RAPGEF1: variants seen among roughly 807,000 people sequenced by gnomAD.
RAPGEF1 encodes the protein CRK SH3-binding GNRP.
In RAPGEF1, 33 loss-of-function variants were observed where a neutral mutation model predicts 143.3. The ratio of observed to expected loss-of-function variants is 0.23; its 90% CI spans 0.17 to 0.31. The LOEUF (loss-of-function observed/expected upper bound fraction) is 0.31, where lower values mean the gene tolerates loss of function less well. Among genes scored for constraint, RAPGEF1 ranks in the 10% least tolerant of loss-of-function variants. RAPGEF1 has a pLI of 1.00. For missense variants in RAPGEF1, 1,199 were observed against 1,645.4 expected (o/e 0.73, Z 4.69); for synonymous variants, 629 against 676.5 (o/e 0.93, Z 1.09).
Position 131,689,474 on chromosome 9 carries a change from T to C in RAPGEF1, c.62-38525A>G, listed in dbSNP as rs549043905. ...TAAGCATGACTAAATTAGGTGAATGTAAAGGGGATAAAGGTTTATAGACGG... is the reference window on the plus strand; with the variant it reads ...TAAGCATGACTAAATTAGGTGAATGCAAAGGGGATAAAGGTTTATAGACGG... On this transcript the variant is annotated intron_variant, in intron 1 of 26. Transcript: ENST00000683357. 2.0e-5 allele frequency among the ~76,000 whole-genome samples: 3 copies of C among 152,274 alleles called. No individual in the cohort carries two copies. The South Asian group carries it at 6.2e-4, about 32-fold the overall frequency.
chr9:131,598,600 T>C (rs768648745), intron 15 of RAPGEF1: 1 of 536,540 alleles, frequency 1.9e-6, no homozygotes, highest in Non-Finnish European at 3.6e-6. Context: ...AGCCACTCCC[T>C]GCCAAGGCCC....
At chr9:131,706,533 G>C (rs1225234359) in intron 1 of RAPGEF1, among the ~76,000 whole-genome samples, 1 of 152,174 alleles carries the variant, frequency 6.6e-6, no homozygotes, top group Non-Finnish European at 1.5e-5. Context: ...GCCTCCCAAA[G>C]TGCTGGGATT....
intron 1 of RAPGEF1, among the ~76,000 whole-genome samples, chr9:131,730,673 C>A (rs1172152873): frequency 2.7e-5 from 3 of 112,676 alleles, no homozygotes. Context: ...CCAGCCTGGG[C>A]AACAGCAGAG....
At chr9:131,702,282 T>C (rs1377570314) in intron 1 of RAPGEF1, among the ~76,000 whole-genome samples, 1 of 152,162 alleles carries the variant, frequency 6.6e-6, no homozygotes, top group Non-Finnish European at 1.5e-5. Flanking sequence ...TAATCATTGC[T>C]CTCTGGAAGG....
intron 1 of RAPGEF1, among the ~76,000 whole-genome samples, chr9:131,715,183 A>G (rs146914163): frequency 6.6e-6 from 1 of 152,326 alleles, no homozygotes; most frequent in East Asian, 1.9e-4. Flanking sequence ...TCAGAGATTT[A>G]CTCAACAAAT....
chr9:131,629,283 C>A, intron 6 of RAPGEF1, 29 bp from the exon 7 acceptor site: 2 of 1,605,790 alleles, frequency 1.2e-6, no homozygotes, highest in Non-Finnish European at 1.7e-6. Context: ...CTTGGGGTTA[C>A]AGAAGGTCAA....
intron 1 of RAPGEF1, among the ~76,000 whole-genome samples, chr9:131,713,839 G>T (rs193068795): frequency 1.3e-5 from 2 of 152,132 alleles, no homozygotes; most frequent in Admixed American, 6.5e-5. Context: ...GTACACAGCA[G>T]ATACTCAATG....
intron 1 of RAPGEF1, among the ~76,000 whole-genome samples, chr9:131,699,713 CCTG>C (rs1834485246): frequency 6.6e-6 from 1 of 152,140 alleles, no homozygotes; most frequent in African/African-American, 2.4e-5. Flanking sequence ...ACACCAGTCT[CCTG>C]CTTTCCCCCT....
intron 1 of RAPGEF1, among the ~76,000 whole-genome samples, chr9:131,680,172 C>T (rs2130914166): frequency 6.6e-6 from 1 of 152,340 alleles, no homozygotes; most frequent in Non-Finnish European, 1.5e-5. Context: ...AATGTGAATC[C>T]AGTGTAGAGA....
intron 16 of RAPGEF1, 56 bp downstream of exon 16, chr9:131,598,143 C>T: frequency 1.4e-6 from 2 of 1,451,764 alleles, no homozygotes; most frequent in Non-Finnish European, 1.9e-6. Context: ...TTCTCTGCCC[C>T]ACCTGCTCTC....
chr9:131,703,378 T>C (rs1477373672), intron 1 of RAPGEF1, among the ~76,000 whole-genome samples: 1 of 152,214 alleles, frequency 6.6e-6, no homozygotes, highest in Non-Finnish European at 1.5e-5. Context: ...TGTTTTTCTT[T>C]AATAATGTAA....
At chr9:131,627,383 A>C (rs2133015649) in intron 9 of RAPGEF1, among the ~76,000 whole-genome samples, 1 of 152,272 alleles carries the variant, frequency 6.6e-6, no homozygotes, top group Non-Finnish European at 1.5e-5. Context: ...TCTTGCTATT[A>C]ATCACTGATT....
chr9:131,626,776 G>C (rs1963221020), intron 9 of RAPGEF1, among the ~76,000 whole-genome samples: 1 of 152,086 alleles, frequency 6.6e-6, no homozygotes, highest in Admixed American at 6.5e-5. Flanking sequence ...TTCCTTAAAT[G>C]ACTTTTTTGC....
At chr9:131,656,254 T>C (rs1972454995) in intron 1 of RAPGEF1, among the ~76,000 whole-genome samples, 1 of 152,200 alleles carries the variant, frequency 6.6e-6, no homozygotes, top group African/African-American at 2.4e-5. Flanking sequence ...TGCCCACTCT[T>C]CTCTTCCTTT....
chr9:131,603,816 A>G (rs1588360616), intron 14 of RAPGEF1, 145 bp downstream of exon 14: 2 of 395,550 alleles, frequency 5.1e-6, no homozygotes, highest in East Asian at 8.6e-5. Context: ...GCTGGCTCCC[A>G]GCAGCCTGCA....
chr9:131,674,481 C>G (rs1158813371), intron 1 of RAPGEF1, among the ~76,000 whole-genome samples: 1 of 152,186 alleles, frequency 6.6e-6, no homozygotes, highest in Non-Finnish European at 1.5e-5. Flanking sequence ...GTCCGGTTCC[C>G]CAAGGCGTGA....
At chr9:131,730,716 A>AAAAAAAAAAG (rs1564212126) in intron 1 of RAPGEF1, among the ~76,000 whole-genome samples, 1 of 121,776 alleles carries the variant, frequency 8.2e-6, no homozygotes, top group African/African-American at 3.0e-5. Flanking sequence ...AAAAAAAAAA[A>AAAAAAAAAAG]AAGAAGAAGA....
chr9:131,690,470 CT>C (rs980720433), intron 1 of RAPGEF1, among the ~76,000 whole-genome samples: 1 of 150,678 alleles, frequency 6.6e-6, no homozygotes, highest in Admixed American at 6.6e-5. Context: ...TTTTCTAAAC[CT>C]TTTTTTTCTA....
intron 1 of RAPGEF1, among the ~76,000 whole-genome samples, chr9:131,659,655 A>T (rs1588852226): frequency 6.6e-6 from 1 of 152,158 alleles, no homozygotes; most frequent in Non-Finnish European, 1.5e-5. Context: ...ATTAAATGTG[A>T]CCCGTGTGTA....
Sources: gnomAD v4.1 joint callset for allele counts (sites outside exome capture counted in the v4.1 genomes callset) on GRCh38, gnomAD v4.1.1 for gene constraint, MANE v1.5 for transcripts, NCBI Gene and HGNC (gene_info 2026-07-23, HGNC 2026-07-21) for gene names.